The following SLC37A1 variants were observed in gnomAD, a reference collection of about 807,000 sequenced individuals.
SLC37A1 encodes glucose-6-phosphate exchanger SLC37A1.
A neutral mutation model predicts 75.3 loss-of-function variants in SLC37A1; 49 were observed. The observed-to-expected ratio is 0.65, with a 90% CI of 0.52 to 0.83. The LOEUF (loss-of-function observed/expected upper bound fraction) is 0.83. Ranked by LOEUF, SLC37A1 falls within the 40% of genes least tolerant of loss-of-function variation. SLC37A1 has a pLI of 0.00. For synonymous variants in SLC37A1, 268 were observed against 292.1 expected (o/e 0.92, Z 0.84); for missense variants, 566 against 695.0 (o/e 0.81, Z 2.09).
chr21:42,563,963 G>C (rs574200303), intron 13 of SLC37A1, 86 bp downstream of exon 13: 31 of 1,441,916 alleles, frequency 2.1e-5, no homozygotes, highest in South Asian at 1.4e-4. Context: ...AGGGGAACAG[G>C]GTTCCCCAAG....
At chr21:42,528,890 A>G (rs533914852) in intron 3 of SLC37A1, among the ~76,000 whole-genome samples, 4 of 152,332 alleles carry the variant, frequency 2.6e-5, no homozygotes, top group African/African-American at 9.6e-5. Context: ...AAAAGCTGGA[A>G]GTATGTACTA....
At chr21:42,566,926 A>T in intron 15 of SLC37A1, 59 bp from the exon 16 acceptor site, 1 of 1,553,132 alleles carries the variant, frequency 6.4e-7, no homozygotes, top group Middle Eastern at 1.7e-4. Context: ...GGCTGCTCCT[A>T]TGCATGCGGG....
At chr21:42,539,764 C>T (rs1316721741) in intron 6 of SLC37A1, 117 bp downstream of exon 6, 18 of 1,046,814 alleles carry the variant, frequency 1.7e-5, no homozygotes, top group Admixed American at 3.1e-5. Context: ...TGCGTCCTGT[C>T]GGAAGTCAGG....
At chr21:42,522,834 G>A (rs993042498) in intron 2 of SLC37A1, among the ~76,000 whole-genome samples, 5 of 152,234 alleles carry the variant, frequency 3.3e-5, no homozygotes, top group East Asian at 3.8e-4. Flanking sequence ...CTGAACTAAA[G>A]GTTCCAGAGG....
chr21:42,516,753 T>G (rs528395170), intron 1 of SLC37A1, among the ~76,000 whole-genome samples: 1 of 152,338 alleles, frequency 6.6e-6, no homozygotes, highest in Non-Finnish European at 1.5e-5. Context: ...GGTTTTTGAT[T>G]TATTTAGTAG....
chr21:42,574,721 T>C, intron 17 of SLC37A1, 97 bp from the exon 18 acceptor site: 4 of 1,148,084 alleles, frequency 3.5e-6, no homozygotes, highest in Admixed American at 4.0e-5. Context: ...TTCCTTTCAT[T>C]GTGAGTGAGG....
At chr21:42,530,659 C>CCCCT (rs1034445660) in intron 3 of SLC37A1, among the ~76,000 whole-genome samples, 2 of 143,160 alleles carry the variant, frequency 1.4e-5, no homozygotes, top group East Asian at 4.1e-4. Context: ...CACACACCCC[C>CCCCT]TCTGTGTTGG....
intron 10 of SLC37A1, among the ~76,000 whole-genome samples, chr21:42,555,805 A>T (rs980393597): frequency 6.6e-6 from 1 of 152,208 alleles, no homozygotes; most frequent in Non-Finnish European, 1.5e-5. Context: ...GGAGCCAGTT[A>T]TGTAAGTAAA....
intron 17 of SLC37A1, among the ~76,000 whole-genome samples, chr21:42,570,336 C>CCATGTCATGTGACACACGGCCTGGT (rs1601774678): frequency 2.6e-5 from 4 of 151,118 alleles, no homozygotes; most frequent in South Asian, 2.1e-4. Context: ...GTGGCTGTTG[C>CCATGTCATGTGACACACGGCCTGGT]TCAGAAAGCC....
rs112997890 is a variant in SLC37A1 at position 42,554,178 on chromosome 21, G to A, written c.849+36G>A. 5,206 of 1,593,484 alleles carry A rather than the reference G, an allele frequency of 3.3e-3. 127 individuals carry two copies. The African/African-American group carries it at 0.057, about 17-fold the overall frequency. ...CACAACTTCCACTTCCTAGAATGTCGGAGCTGCAGGAAAACTCCTTTGAGC... is the reference window on the plus strand; with the variant it reads ...CACAACTTCCACTTCCTAGAATGTCAGAGCTGCAGGAAAACTCCTTTGAGC... On this transcript the variant is annotated intron_variant, in intron 10 of 19. Transcript: ENST00000352133.
In SLC37A1 at chr21:42,535,525, G is replaced by A. The variant is rs369362371; in HGVS notation, c.325G>A (p.Ala109Thr). 3.7e-6 allele frequency: 6 copies of A among 1,614,182 alleles called. No homozygotes were observed. The highest frequency in any genetic ancestry group is 1.7e-5 in the Admixed American group (1 of 60,018). The change falls in exon 5 of 20, where the codon GCC (alanine) becomes ACC (threonine). Residue 109 changes from alanine to threonine, a missense_variant. Physicochemically the swap from Ala to Thr is moderately conservative, Grantham distance 58. Coordinates refer to ENST00000352133, the MANE Select transcript of SLC37A1 (RefSeq NM_001320537.2). The part of the protein sequence containing the change: ...LGALDYSFLC[A>T]YAVGMYLSGI... ...GGCCCTGGACTACTCCTTCCTGTGCGCCTATGCCGTGGGGATGTACCTCAG... is the reference window on the plus strand; with the variant it reads ...GGCCCTGGACTACTCCTTCCTGTGCACCTATGCCGTGGGGATGTACCTCAG...
intron 8 of SLC37A1, among the ~76,000 whole-genome samples, 172 bp downstream of exon 8, chr21:42,543,774 T>C (rs951837791): frequency 6.6e-6 from 1 of 152,250 alleles, no homozygotes; most frequent in African/African-American, 2.4e-5. Context: ...GGTTCTCTCC[T>C]GGTTTTGCTG....
chr21:42,564,564 G>A (rs978029701), intron 13 of SLC37A1, 144 bp from the exon 14 acceptor site: 4 of 655,994 alleles, frequency 6.1e-6, no homozygotes, highest in East Asian at 2.7e-5. Flanking sequence ...GGTCAGGGCT[G>A]TGAGAAGGCT....
At position 42,552,646 on chromosome 21, in the gene SLC37A1, G is replaced by A. The variant is rs1338858499; in HGVS notation, c.769-1416G>A. Among the ~76,000 whole-genome samples the A allele has an allele frequency of 1.3e-5, 2 of 152,240 alleles. No individual in the cohort carries two copies. The highest frequency in any genetic ancestry group is 2.4e-5 in the African/African-American group (1 of 41,460). On this transcript the variant is annotated intron_variant, in intron 9 of 19. Coordinates refer to ENST00000352133, the MANE Select transcript of SLC37A1 (RefSeq NM_001320537.2). This position sits in a 1 kb window ranked among gnomAD's most constrained non-coding sequence, Gnocchi z 4.2. ...TCTGTATTCCAGCCAGCAGGAAGGA[G>A]GGAAAGGACATTAGGGACAGGCCCC...
chr21:42,518,185 G>C (rs1052917449), intron 1 of SLC37A1, 92 bp from the exon 2 acceptor site: 1 of 479,644 alleles, frequency 2.1e-6, no homozygotes, highest in Non-Finnish European at 3.8e-6. Flanking sequence ...ACTGGGTACT[G>C]CTACTGTACG....
At chr21:42,516,928 A>G (rs780220519) in intron 1 of SLC37A1, among the ~76,000 whole-genome samples, 1 of 152,222 alleles carries the variant, frequency 6.6e-6, no homozygotes, top group Non-Finnish European at 1.5e-5. Context: ...CCCATTCTGG[A>G]GCCCACCCAT....
intron 17 of SLC37A1, among the ~76,000 whole-genome samples, chr21:42,573,358 G>C (rs933551463): frequency 3.9e-5 from 6 of 152,026 alleles, no homozygotes; most frequent in Non-Finnish European, 7.4e-5. Flanking sequence ...CCTGTCTCTT[G>C]GGCTCCGCTG....
chr21:42,508,753 T>C (rs1341543853), intron 2 of SLC37A1: 2 of 152,192 alleles, frequency 1.3e-5, no homozygotes, highest in Admixed American at 1.3e-4. Flanking sequence ...CCGTGAGCAC[T>C]CTCTCAGTTA....
At chr21:42,558,837 C>A in intron 10 of SLC37A1, 121 bp from the exon 11 acceptor site, 1 of 1,266,188 alleles carries the variant, frequency 7.9e-7, no homozygotes, top group Non-Finnish European at 1.1e-6. Flanking sequence ...CAGGATGTCT[C>A]CAAGGCAGTG....
Sources: gnomAD v4.1 joint callset for allele counts (sites outside exome capture counted in the v4.1 genomes callset) on GRCh38, gnomAD v4.1.1 for gene constraint, Gnocchi (gnomAD v3.1) non-coding constraint, MANE v1.5 for transcripts, NCBI Gene and HGNC (gene_info 2026-07-23, HGNC 2026-07-21) for gene names.